KLF8: variants seen among roughly 807,000 people sequenced by gnomAD.
KLF8 encodes Krueppel-like factor 8.
In KLF8, 10 loss-of-function variants were observed where a neutral mutation model predicts 18.2. The ratio of observed to expected loss-of-function variants is 0.55; its 90% confidence interval spans 0.34 to 0.93. The LOEUF (loss-of-function observed/expected upper bound fraction) is 0.93, where lower values mean the gene tolerates loss of function less well. Among genes scored for constraint, KLF8 ranks in the 40% least tolerant of loss-of-function variants. The pLI is 0.02. For missense variants in KLF8, 264 were observed against 277.9 expected, an observed-to-expected ratio of 0.95 and a Z score of 0.36; for synonymous variants, 109 against 97.3, an observed-to-expected ratio of 1.12 and a Z score of -0.71.
the KLF8 span, among the ~76,000 whole-genome samples, chrX:56,194,830 C>G: frequency 2.3e-4 from 26 of 112,018 alleles, no homozygotes; most frequent in African/African-American, 7.8e-4. Flanking sequence ...CTCATATAGG[C>G]AGCTACCCCT....
chrX:55,956,151 ATCTATCT>A, the KLF8 span, among the ~76,000 whole-genome samples: 18 of 100,125 alleles, frequency 1.8e-4, no homozygotes, highest in Admixed American at 1.0e-4. Flanking sequence ...CTATCTATCT[ATCTATCT>A]ATCTATCTAT....
chrX:56,236,089 A>G (rs1347117563), intron 1 of KLF8, among the ~76,000 whole-genome samples: 1 of 111,841 alleles, frequency 8.9e-6, no homozygotes, highest in Non-Finnish European at 1.9e-5. Flanking sequence ...TTAAGGAGCA[A>G]TAACCTAACT....
chrX:56,279,643 C>T (rs1326201896), intron 5 of KLF8, among the ~76,000 whole-genome samples: 2 of 111,127 alleles, frequency 1.8e-5, no homozygotes, highest in African/African-American at 6.6e-5. Context: ...AGTTAAGAGG[C>T]TAATGAAGCA....
the KLF8 span, among the ~76,000 whole-genome samples, chrX:55,931,715 A>G: frequency 8.9e-6 from 1 of 111,815 alleles, no homozygotes; most frequent in Non-Finnish European, 1.9e-5. Flanking sequence ...TTCTAATTTG[A>G]TTGCACCGTG....
At chrX:55,933,641 G>A in the KLF8 span, among the ~76,000 whole-genome samples, 1 of 111,940 alleles carries the variant, frequency 8.9e-6, no homozygotes, top group South Asian at 3.7e-4. Flanking sequence ...GAATTACTCA[G>A]CAATCATTTT....
chrX:55,955,628 T>G, the KLF8 span, among the ~76,000 whole-genome samples: 1 of 111,562 alleles, frequency 9.0e-6, no homozygotes, highest in African/African-American at 3.3e-5. Context: ...TTCAGGCTGT[T>G]GAGTTAATTA....
At chrX:55,919,521 G>A in the KLF8 span, among the ~76,000 whole-genome samples, 1 of 111,819 alleles carries the variant, frequency 8.9e-6, no homozygotes, top group African/African-American at 3.3e-5. Context: ...ACTCAGTGAT[G>A]TTGGCGGGGG....
At chrX:56,057,567 C>T in the KLF8 span, among the ~76,000 whole-genome samples, 2 of 111,419 alleles carry the variant, frequency 1.8e-5, no homozygotes, top group East Asian at 2.8e-4. Flanking sequence ...TGGTCAGAAA[C>T]GTTTCACCAG....
At chrX:56,254,513 A>C (rs766926303) in intron 2 of KLF8, among the ~76,000 whole-genome samples, 69 of 112,297 alleles carry the variant, frequency 6.1e-4, no homozygotes, top group African/African-American at 2.1e-3. Flanking sequence ...CCAGAGGGTC[A>C]GTGTGACAGC....
intron 1 of KLF8, among the ~76,000 whole-genome samples, chrX:56,237,136 C>G (rs1400242462): frequency 1.1e-5 from 1 of 92,377 alleles, no homozygotes; most frequent in Non-Finnish European, 2.1e-5. Context: ...ACCCCCCCAT[C>G]CCCCCCAAAA....
At chrX:56,213,295 TTTTCTTTTCTTTTCTTTTC>T in the KLF8 span, among the ~76,000 whole-genome samples, 7 of 47,282 alleles carry the variant, frequency 1.5e-4, no homozygotes, top group Non-Finnish European at 2.0e-4. Context: ...TTTTCTTTTC[TTTTCTTTTCTTTTCTTTTC>T]TTTTTTTTTT....
chrX:56,048,197 T>C, the KLF8 span, among the ~76,000 whole-genome samples: 10,331 of 111,109 alleles, frequency 0.093, 1,197 homozygotes, highest in African/African-American at 0.32. Context: ...ATTGCAAAAA[T>C]TTTCTCCCAT....
chrX:56,022,036 C>T, the KLF8 span, among the ~76,000 whole-genome samples: 1 of 108,479 alleles, frequency 9.2e-6, no homozygotes, highest in African/African-American at 3.4e-5. Flanking sequence ...TAAACCAAAA[C>T]AAAATGAAAC....
the KLF8 span, among the ~76,000 whole-genome samples, chrX:56,048,925 G>T: frequency 9.0e-6 from 1 of 111,526 alleles, no homozygotes; most frequent in African/African-American, 3.3e-5. Context: ...CCATTTGTTT[G>T]TATCCTCTTT....
the KLF8 span, among the ~76,000 whole-genome samples, chrX:56,149,445 G>A: frequency 9.1e-6 from 1 of 110,314 alleles, no homozygotes; most frequent in East Asian, 2.9e-4. Flanking sequence ...GTGGAGGGGG[G>A]AGTGGGACAA....
At chrX:56,183,946 C>A in the KLF8 span, among the ~76,000 whole-genome samples, 1 of 111,425 alleles carries the variant, frequency 9.0e-6, no homozygotes, top group East Asian at 2.8e-4. Context: ...ATGAGCGATG[C>A]AGAAGATGGG....
chrX:56,144,953 C>A, the KLF8 span, among the ~76,000 whole-genome samples: 3 of 106,538 alleles, frequency 2.8e-5, no homozygotes, highest in African/African-American at 6.8e-5. Context: ...CCACCACACC[C>A]GGCTAATTTT....
the KLF8 span, among the ~76,000 whole-genome samples, chrX:55,992,126 TTC>T: frequency 8.9e-6 from 1 of 112,607 alleles, no homozygotes; most frequent in Non-Finnish European, 1.9e-5. Flanking sequence ...AATTATCCAT[TTC>T]TGTTTTTGCT....
chrX:56,164,516 G>A, the KLF8 span, among the ~76,000 whole-genome samples: 1 of 93,864 alleles, frequency 1.1e-5, no homozygotes, highest in African/African-American at 3.8e-5. Flanking sequence ...GAAAAGAACA[G>A]AAACTATGAG....
Sources: allele counts gnomAD v4.1 joint callset (sites outside exome capture counted in the v4.1 genomes callset), GRCh38; gene constraint gnomAD v4.1.1; transcripts MANE v1.5; gene names NCBI Gene and HGNC (gene_info 2026-07-23, HGNC 2026-07-21).